DMGDH: variants seen among roughly 807,000 people sequenced by gnomAD.
DMGDH encodes the protein dimethylglycine dehydrogenase, also known as dimethylglycine dehydrogenase, mitochondrial.
In DMGDH, 76 loss-of-function variants were observed where a neutral mutation model predicts 95.2. That is an observed-to-expected ratio of 0.80 (90% confidence interval 0.66 to 0.97). The LOEUF (loss-of-function observed/expected upper bound fraction) is 0.97, where lower values mean the gene tolerates loss of function less well. Ranked by LOEUF, DMGDH falls within the 50% of genes least tolerant of loss-of-function variation. DMGDH has a pLI of 0.00. For synonymous variants in DMGDH, 345 were observed against 377.6 expected, an observed-to-expected ratio of 0.91 and a Z score of 1.00; for missense variants, 987 against 1,055.0, an observed-to-expected ratio of 0.94 and a Z score of 0.89.
At chr5:79,052,372 T>C (rs180954044) in intron 4 of DMGDH, among the ~76,000 whole-genome samples, 3 of 152,300 alleles carry the variant, frequency 2.0e-5, no homozygotes, top group East Asian at 1.9e-4. Context: ...TTGAGAGAGA[T>C]TGGCATTAAG....
chr5:79,035,963 C>T (rs1754336842), intron 7 of DMGDH, among the ~76,000 whole-genome samples: 2 of 152,144 alleles, frequency 1.3e-5, no homozygotes, highest in Admixed American at 1.3e-4. Flanking sequence ...AAATAGAAAA[C>T]ATCTCTGGAG....
chr5:79,056,036 G>A (rs1267976576), intron 2 of DMGDH, 128 bp from the exon 3 acceptor site: 3 of 689,766 alleles, frequency 4.3e-6, no homozygotes, highest in Non-Finnish European at 5.2e-6. Flanking sequence ...CCTTTGGGAT[G>A]AGAACACATC....
chr5:79,054,125 A>T (rs1754947655), intron 4 of DMGDH, 59 bp downstream of exon 4: 1 of 1,585,884 alleles, frequency 6.3e-7, no homozygotes, highest in Non-Finnish European at 8.6e-7. Context: ...ACTTCTTAAT[A>T]ACTTTTTCTA....
At chr5:79,051,578 A>G (rs1754864442) in intron 4 of DMGDH, 87 bp from the exon 5 acceptor site, 6 of 1,266,094 alleles carry the variant, frequency 4.7e-6, no homozygotes, top group Non-Finnish European at 6.7e-6. Context: ...ACGTTTAGTA[A>G]AACTGGACTT....
At chr5:79,003,130 G>A (rs1027063631) in intron 15 of DMGDH, among the ~76,000 whole-genome samples, 2 of 152,198 alleles carry the variant, frequency 1.3e-5, no homozygotes, top group Non-Finnish European at 2.9e-5. Context: ...TCCATGCTGA[G>A]TAAAACAGAA....
chr5:79,001,129 G>A, intron 15 of DMGDH: 2 of 556,416 alleles, frequency 3.6e-6, no homozygotes, highest in African/African-American at 1.9e-5. Context: ...ATGTAGCCCT[G>A]GAAGCAGCTC....
At chr5:79,037,729 G>A (rs1754384125) in intron 7 of DMGDH, among the ~76,000 whole-genome samples, 2 of 152,166 alleles carry the variant, frequency 1.3e-5, no homozygotes, top group African/African-American at 4.8e-5. Context: ...TTAGTTAATA[G>A]GTGTTCCACA....
Position 79,030,943 on chromosome 5 carries a change from C to T in DMGDH, c.1573G>A (p.Val525Ile), listed in dbSNP as rs937815398. 3.1e-6 allele frequency: 5 copies of T among 1,614,068 alleles called. No homozygotes were observed. The highest frequency in any genetic ancestry group is 1.7e-5 in the Admixed American group (1 of 60,006). ...TCAGTTACCGCTACTCTTTGCATAA[C>T]CTGTTTATACTCCGAGCCCACAGGC... is the stretch of plus-strand genomic sequence containing the variant. Reference protein sequence around the residue: ...FEPVGSEYKQVMQRVAVTDLS... With the variant: ...FEPVGSEYKQIMQRVAVTDLS... The change falls in exon 10 of 16, where the codon GTT (valine) becomes ATT (isoleucine). Residue 525 changes from valine to isoleucine, a missense_variant. Transcript: ENST00000255189.
intron 14 of DMGDH, among the ~76,000 whole-genome samples, chr5:79,013,141 A>G (rs750742843): frequency 2.0e-5 from 3 of 152,166 alleles, no homozygotes; most frequent in Non-Finnish European, 2.9e-5. Flanking sequence ...GTTCACACAC[A>G]TGAGCATTGA....
chr5:79,023,928 G>C (rs1753928528), intron 14 of DMGDH, among the ~76,000 whole-genome samples: 1 of 152,112 alleles, frequency 6.6e-6, no homozygotes, highest in African/African-American at 2.4e-5. Flanking sequence ...AAGTCACCAG[G>C]AGTTACTGCA....
At chr5:79,006,652 A>G (rs1331598882) in intron 14 of DMGDH, among the ~76,000 whole-genome samples, 1 of 152,246 alleles carries the variant, frequency 6.6e-6, no homozygotes, top group Non-Finnish European at 1.5e-5. Context: ...ACGCAAAGAA[A>G]GGAAACAACC....
At chr5:79,009,452 C>T (rs1439995729) in intron 14 of DMGDH, among the ~76,000 whole-genome samples, 1 of 151,446 alleles carries the variant, frequency 6.6e-6, no homozygotes, top group African/African-American at 2.4e-5. Context: ...ACCTCCACCT[C>T]CTGGGTTCAA....
chr5:79,045,785 T>C (rs1754655056), intron 5 of DMGDH, among the ~76,000 whole-genome samples: 2 of 152,166 alleles, frequency 1.3e-5, no homozygotes, highest in African/African-American at 4.8e-5. Flanking sequence ...TCTCTGCTGT[T>C]TTTCTGAATC....
intron 7 of DMGDH, among the ~76,000 whole-genome samples, chr5:79,040,192 T>C (rs58301698): frequency 0.094 from 14,326 of 152,174 alleles, 1,637 homozygotes; most frequent in African/African-American, 0.27. Context: ...CTGTGGGGTC[T>C]ATGTTAATTC....
At position 79,044,176 on chromosome 5, in the gene DMGDH, C is replaced by A. The variant is rs900678543; in HGVS notation, c.994+128G>T. On this transcript the variant is annotated intron_variant, in intron 6 of 15. Coordinates refer to ENST00000255189, the MANE Select transcript of DMGDH (RefSeq NM_013391.3). Reference sequence around the variant, plus strand: ...AACAGAGCTCACCTCAAACCTGTCACCTCCAATGTCCCAGGTATCTGAAAG... The same window carrying A: ...AACAGAGCTCACCTCAAACCTGTCAACTCCAATGTCCCAGGTATCTGAAAG... 16 of 1,351,870 alleles carry A rather than the reference C, an allele frequency of 1.2e-5. No individual in the cohort carries two copies. In the East Asian group the frequency reaches 3.5e-4, roughly 29 times the overall value. The allele number at this position is 1,351,870 out of a possible 1,614,324, so 83.7% of individuals were successfully genotyped here.
At chr5:79,052,133 A>G (rs1182882742) in intron 4 of DMGDH, among the ~76,000 whole-genome samples, 1 of 152,220 alleles carries the variant, frequency 6.6e-6, no homozygotes, top group African/African-American at 2.4e-5. Context: ...TAGATGTTAA[A>G]CCAACCCTGC....
At chr5:79,029,804 A>T in intron 11 of DMGDH, 100 bp downstream of exon 11, 1 of 1,230,572 alleles carries the variant, frequency 8.1e-7, no homozygotes, top group Non-Finnish European at 1.1e-6. Flanking sequence ...TTAAGAAGAA[A>T]TAAAGTTGTA....
At chr5:79,009,877 T>C (rs1753616422) in intron 14 of DMGDH, among the ~76,000 whole-genome samples, 3 of 152,210 alleles carry the variant, frequency 2.0e-5, no homozygotes. Flanking sequence ...GGAAAATGTG[T>C]CTGAAGGTTA....
chr5:79,041,903 G>A (rs556873519), intron 7 of DMGDH, among the ~76,000 whole-genome samples: 5 of 152,196 alleles, frequency 3.3e-5, no homozygotes, highest in African/African-American at 1.2e-4. Context: ...AGGAGGCTGA[G>A]GCAGGAGAAT....
Sources: allele counts gnomAD v4.1 joint callset (sites outside exome capture counted in the v4.1 genomes callset), GRCh38; gene constraint gnomAD v4.1.1; transcripts MANE v1.5; gene names NCBI Gene and HGNC (gene_info 2026-07-23, HGNC 2026-07-21).